The following THSD7B variants were observed in gnomAD, a reference collection of about 807,000 sequenced individuals.
THSD7B encodes the protein thrombospondin type-1 domain-containing protein 7B.
THSD7B carries 138 observed loss-of-function variants against 213.6 expected under a neutral mutation model. The observed-to-expected ratio is 0.65, with a 90% CI of 0.56 to 0.74. The LOEUF (loss-of-function observed/expected upper bound fraction) is 0.74, where lower values mean the gene tolerates loss of function less well. THSD7B is among the 30% of genes least tolerant of loss of function. The pLI, the probability that THSD7B is intolerant of heterozygous loss-of-function variation, is 0.00. For missense variants in THSD7B, 1,931 were observed against 1,991.5 expected, an observed-to-expected ratio of 0.97 and a Z score of 0.58; for synonymous variants, 742 against 687.0, an observed-to-expected ratio of 1.08 and a Z score of -1.25.
intron 15 of THSD7B, among the ~76,000 whole-genome samples, chr2:137,489,851 C>T (rs1276514345): frequency 6.6e-6 from 1 of 152,192 alleles, no homozygotes; most frequent in Non-Finnish European, 1.5e-5. Flanking sequence ...CCCTCCTTTA[C>T]TGTCTTTTTC....
chr2:136,817,262 G>A (rs1379005957), intron 1 of THSD7B, among the ~76,000 whole-genome samples: 2 of 152,208 alleles, frequency 1.3e-5, no homozygotes, highest in African/African-American at 4.8e-5. Context: ...AAGAATATTA[G>A]CCCTTTGTCA....
intron 1 of THSD7B, among the ~76,000 whole-genome samples, chr2:136,840,441 A>C (rs1210166417): frequency 6.6e-6 from 1 of 152,158 alleles, no homozygotes; most frequent in Non-Finnish European, 1.5e-5. Flanking sequence ...GGGTAGTTGC[A>C]GAGCATGTCA....
At chr2:136,834,098 TA>T (rs1269009841) in intron 1 of THSD7B, among the ~76,000 whole-genome samples, 6 of 152,304 alleles carry the variant, frequency 3.9e-5, no homozygotes, top group African/African-American at 1.4e-4. Flanking sequence ...AATATTGAAA[TA>T]TTTCCATGTT....
At chr2:137,185,337 G>A (rs1278123802) in intron 7 of THSD7B, among the ~76,000 whole-genome samples, 2 of 151,846 alleles carry the variant, frequency 1.3e-5, no homozygotes, top group African/African-American at 2.4e-5. Context: ...TTTGGGGAAC[G>A]ATTGAATCCA....
chr2:137,356,875 T>C (rs2104928543), intron 12 of THSD7B, among the ~76,000 whole-genome samples: 1 of 152,006 alleles, frequency 6.6e-6, no homozygotes, highest in African/African-American at 2.4e-5. Context: ...AGTGGATCAG[T>C]AATACAGTGT....
intron 2 of THSD7B, among the ~76,000 whole-genome samples, chr2:136,914,886 T>C (rs757879242): frequency 3.3e-5 from 5 of 152,182 alleles, no homozygotes; most frequent in Non-Finnish European, 5.9e-5. Flanking sequence ...TATTACATGA[T>C]AGGCATCATA....
At chr2:136,852,999 AT>A (rs1214663826) in intron 1 of THSD7B, among the ~76,000 whole-genome samples, 3 of 151,938 alleles carry the variant, frequency 2.0e-5, no homozygotes, top group Non-Finnish European at 2.9e-5. Context: ...CATTTTATAT[AT>A]TTCCCCATCC....
At chr2:137,269,079 T>G (rs2104802025) in intron 10 of THSD7B, among the ~76,000 whole-genome samples, 1 of 152,168 alleles carries the variant, frequency 6.6e-6, no homozygotes, top group African/African-American at 2.4e-5. Context: ...AGAGAGACTC[T>G]TAACAGATAG....
At chr2:137,583,096 A>G (rs555768238) in intron 17 of THSD7B, among the ~76,000 whole-genome samples, 1 of 152,284 alleles carries the variant, frequency 6.6e-6, no homozygotes, top group East Asian at 1.9e-4. Context: ...GCCAGGGATG[A>G]TGAGCATTTT....
chr2:137,519,047 A>T (rs1253987590), intron 15 of THSD7B, among the ~76,000 whole-genome samples: 1 of 152,146 alleles, frequency 6.6e-6, no homozygotes, highest in Non-Finnish European at 1.5e-5. Context: ...GGAGTTCAAG[A>T]CCAGCCTGGC....
At chr2:137,327,898 T>C (rs1573963551) in intron 12 of THSD7B, among the ~76,000 whole-genome samples, 2 of 152,186 alleles carry the variant, frequency 1.3e-5, no homozygotes, top group South Asian at 2.1e-4. Context: ...AGCCTCTTTG[T>C]GAAAGGTATG....
chr2:136,815,569 A>G (rs1392010648), intron 1 of THSD7B, among the ~76,000 whole-genome samples: 1 of 152,234 alleles, frequency 6.6e-6, no homozygotes, highest in Non-Finnish European at 1.5e-5. Context: ...AACCTATATT[A>G]GAAAAAAATA....
At chr2:137,124,752 T>A (rs755270047) in intron 5 of THSD7B, among the ~76,000 whole-genome samples, 16 of 152,198 alleles carry the variant, frequency 1.1e-4, no homozygotes, top group Non-Finnish European at 1.9e-4. Context: ...AAAAATGTTA[T>A]GTACTTATGG....
chr2:136,935,655 C>G (rs1256441597), intron 2 of THSD7B, among the ~76,000 whole-genome samples: 1 of 151,986 alleles, frequency 6.6e-6, no homozygotes, highest in African/African-American at 2.4e-5. Context: ...AGTGTCATTT[C>G]TCCAGTATGA....
intron 7 of THSD7B, among the ~76,000 whole-genome samples, chr2:137,226,525 A>AG (rs1681508360): frequency 6.6e-6 from 1 of 151,812 alleles, no homozygotes; most frequent in Non-Finnish European, 1.5e-5. Context: ...ACTGAAAAAA[A>AG]GAAACATTCT....
In THSD7B at chr2:137,302,743, G is replaced by A. The variant is rs113709824; in HGVS notation, c.2500+26717G>A. Among the ~76,000 whole-genome samples the A allele has an allele frequency of 1.4e-3, 220 of 152,152 alleles. 1 individual carries two copies. The highest frequency in any genetic ancestry group is 4.0e-3 in the Admixed American group (61 of 15,292). ...TCACAAGAGAGAAACTCATGAGGGA[G>A]AAAAAGGAGAAAATTGCTAGAAAGA... On this transcript the variant is annotated intron_variant, in intron 12 of 27. Coordinates refer to ENST00000409968, the MANE Select transcript of THSD7B (RefSeq NM_001316349.2).
intron 3 of THSD7B, among the ~76,000 whole-genome samples, chr2:137,086,541 C>A (rs1687845233): frequency 6.6e-6 from 1 of 152,196 alleles, no homozygotes; most frequent in Non-Finnish European, 1.5e-5. Flanking sequence ...ACTCCAGAAT[C>A]ATTTCCCCTT....
At chr2:137,398,805 C>A (rs1282026544) in intron 12 of THSD7B, among the ~76,000 whole-genome samples, 1 of 152,198 alleles carries the variant, frequency 6.6e-6, no homozygotes, top group Non-Finnish European at 1.5e-5. Context: ...GCTGTGCTAG[C>A]AATCAGCGAG....
At chr2:137,524,161 A>G (rs1194439624) in intron 15 of THSD7B, among the ~76,000 whole-genome samples, 2 of 152,014 alleles carry the variant, frequency 1.3e-5, no homozygotes, top group East Asian at 1.9e-4. Context: ...TGGCATCAAG[A>G]CCTCATTTTA....
Sources: allele counts gnomAD v4.1 joint callset (sites outside exome capture counted in the v4.1 genomes callset), GRCh38; gene constraint gnomAD v4.1.1; transcripts MANE v1.5; gene names NCBI Gene and HGNC (gene_info 2026-07-23, HGNC 2026-07-21).